NEK10: variants seen among roughly 807,000 people sequenced by gnomAD.
NEK10 encodes the protein serine/threonine-protein kinase Nek10.
NEK10 carries 122 observed loss-of-function variants against 159.8 expected under a neutral mutation model. The observed-to-expected ratio is 0.76, with a 90% CI of 0.66 to 0.89. The LOEUF (loss-of-function observed/expected upper bound fraction) is 0.89. Ranked by LOEUF, NEK10 falls within the 40% of genes least tolerant of loss-of-function variation. NEK10 has a pLI of 0.00. For synonymous variants in NEK10, 466 were observed against 457.1 expected, an observed-to-expected ratio of 1.02 and a Z score of -0.25; for missense variants, 1,342 against 1,323.1, an observed-to-expected ratio of 1.01 and a Z score of -0.22.
At chr3:27,252,150 C>A (rs969921690) in intron 23 of NEK10, 7 of 450,856 alleles carry the variant, frequency 1.6e-5, no homozygotes, top group Non-Finnish European at 2.7e-5. Context: ...AAGTCCTATG[C>A]TTATGGAGCT....
intron 30 of NEK10, among the ~76,000 whole-genome samples, chr3:27,145,153 A>G (rs1944179256): frequency 6.6e-6 from 1 of 151,876 alleles, no homozygotes; most frequent in Admixed American, 6.6e-5. Flanking sequence ...AAAGCAGCAT[A>G]TATTTATATT....
chr3:27,119,849 T>G lies in NEK10; in HGVS notation c.3101A>C (p.Glu1034Ala), dbSNP rs1416207349. 8 of 1,613,722 alleles carry G rather than the reference T, an allele frequency of 5.0e-6. No homozygotes were observed. The highest frequency in any genetic ancestry group is 6.8e-6 in the Non-Finnish European group (8 of 1,179,810). Residue 1034 changes from glutamate (E) to alanine (A), a missense_variant, in exon 33 of 36, where the codon GAA (glutamate) becomes GCA (alanine). Coordinates refer to ENST00000691995, the MANE Select transcript of NEK10 (RefSeq NM_001394966.1). ...TGTGAAAAAGTTGGGCTCAATCGGT[T>G]CTGGAGATCCCTGAGATAACTGAAA... ...EIKKLSQGSP[E>A]PIEPNFFTAD...
intron 23 of NEK10, among the ~76,000 whole-genome samples, chr3:27,244,820 C>T (rs1404959278): frequency 6.6e-6 from 1 of 152,128 alleles, no homozygotes; most frequent in Non-Finnish European, 1.5e-5. Context: ...CCACTATGTG[C>T]CCACACCGCA....
chr3:27,363,137 C>T (rs2048805520), intron 1 of NEK10, among the ~76,000 whole-genome samples: 1 of 152,154 alleles, frequency 6.6e-6, no homozygotes, highest in African/African-American at 2.4e-5. Context: ...TATCCCCAGG[C>T]CTTTACTCCT....
intron 31 of NEK10, among the ~76,000 whole-genome samples, chr3:27,135,114 C>G (rs1407674198): frequency 2.0e-5 from 3 of 152,074 alleles, no homozygotes; most frequent in Non-Finnish European, 4.4e-5. Context: ...TAGGATAGCA[C>G]TTTATAGTTT....
intron 1 of NEK10, among the ~76,000 whole-genome samples, chr3:27,355,947 T>G (rs1257645449): frequency 1.3e-5 from 2 of 152,238 alleles, no homozygotes; most frequent in Non-Finnish European, 2.9e-5. Flanking sequence ...TGAAATTTAA[T>G]TGCCACTAAA....
At chr3:27,213,407 T>C (rs1299396463) in intron 23 of NEK10, among the ~76,000 whole-genome samples, 1 of 152,224 alleles carries the variant, frequency 6.6e-6, no homozygotes, top group Admixed American at 6.5e-5. Flanking sequence ...GGTATTTTGC[T>C]TTGTTGACAT....
At chr3:27,286,545 CTTTTTT>C (rs36101281) in intron 20 of NEK10, among the ~76,000 whole-genome samples, 5 of 65,046 alleles carry the variant, frequency 7.7e-5, no homozygotes, top group South Asian at 5.7e-4. Flanking sequence ...CCACGCCCAG[CTTTTTT>C]TTTTTTTTTT....
chr3:27,305,628 AAAT>A (rs1553627492), intron 11 of NEK10, among the ~76,000 whole-genome samples: 1 of 148,944 alleles, frequency 6.7e-6, no homozygotes, highest in Non-Finnish European at 1.5e-5. Flanking sequence ...AAAAAAAAAA[AAAT>A]AATAATAATA....
chr3:27,141,397 A>G, intron 31 of NEK10, 85 bp downstream of exon 31: 1 of 987,344 alleles, frequency 1.0e-6, no homozygotes, highest in Non-Finnish European at 1.5e-6. Context: ...AATTCAATCT[A>G]AAGTCCTCCA....
In NEK10 at chr3:27,182,095, T is replaced by C. The variant is rs574817533; in HGVS notation, c.2506-7262A>G. ...AATATCAAAAGATACAGAGTTTCGGTGAGATGGGAGGATAAGTTCAAGAGA... is the reference window on the plus strand; with the variant it reads ...AATATCAAAAGATACAGAGTTTCGGCGAGATGGGAGGATAAGTTCAAGAGA... On this transcript the variant is annotated intron_variant, in intron 26 of 35. Transcript: ENST00000691995. Among the ~76,000 whole-genome samples the C allele has an allele frequency of 1.1e-4, 16 of 152,160 alleles. 1 individual carries two copies. The South Asian group carries it at 3.3e-3, about 32-fold the overall frequency.
At chr3:27,323,145 A>G (rs2045767716) in intron 5 of NEK10, among the ~76,000 whole-genome samples, 1 of 152,204 alleles carries the variant, frequency 6.6e-6, no homozygotes, top group Admixed American at 6.5e-5. Context: ...TGGGAGAAAC[A>G]GGAAAGGGAA....
rs1399382675 is a variant in NEK10, at chr3:27,312,075, C to T, written c.568+24G>A. On this transcript the variant is annotated intron_variant, in intron 8 of 35. Transcript: ENST00000691995. Reference sequence around the variant, plus strand: ...TTTTCTAGCAAGTCCACAAAAATGGCTGTGTCCCTGCAATAACACTTACAT... The same window carrying T: ...TTTTCTAGCAAGTCCACAAAAATGGTTGTGTCCCTGCAATAACACTTACAT... 5 of 1,523,030 alleles carry T rather than the reference C, an allele frequency of 3.3e-6. No homozygotes were observed. The South Asian group carries it at 5.7e-5, about 17-fold the overall frequency. The allele number at this position is 1,523,030 out of a possible 1,614,324, so 94.3% of individuals were successfully genotyped here.
intron 32 of NEK10, among the ~76,000 whole-genome samples, chr3:27,129,541 G>A (rs757394107): frequency 1.3e-5 from 2 of 152,082 alleles, no homozygotes; most frequent in Non-Finnish European, 2.9e-5. Context: ...AAAAATGGAG[G>A]TCACAAACTC....
At position 27,262,808 on chromosome 3, in the gene NEK10, G is replaced by A. The variant is rs926992229; in HGVS notation, c.2015-6437C>T. On this transcript the variant is annotated intron_variant, in intron 22 of 35. Coordinates refer to ENST00000691995, the MANE Select transcript of NEK10 (RefSeq NM_001394966.1). Reference sequence around the variant, plus strand: ...TCCTTTAGCTCAGAGTAGTTTGATCGTCTGAAGCCTTCTTCTCTCAACTCG... The same window carrying A: ...TCCTTTAGCTCAGAGTAGTTTGATCATCTGAAGCCTTCTTCTCTCAACTCG... Among the ~76,000 whole-genome samples the A allele has an allele frequency of 5.9e-5, 9 of 151,838 alleles. No homozygotes were observed. In the East Asian group the frequency reaches 7.7e-4, roughly 13 times the overall value.
chr3:27,170,458 A>G (rs1409246476), intron 29 of NEK10, among the ~76,000 whole-genome samples: 1 of 152,192 alleles, frequency 6.6e-6, no homozygotes, highest in African/African-American at 2.4e-5. Context: ...CTGGCTGGGC[A>G]CAGTGGCGAA....
chr3:27,324,231 T>G (rs2045857438), intron 5 of NEK10, among the ~76,000 whole-genome samples: 1 of 152,186 alleles, frequency 6.6e-6, no homozygotes, highest in Non-Finnish European at 1.5e-5. Flanking sequence ...GTCAAAATGT[T>G]AAAGCTTTTC....
At chr3:27,310,807 A>G in intron 9 of NEK10, 142 bp downstream of exon 9, 1 of 517,726 alleles carries the variant, frequency 1.9e-6, no homozygotes, top group Non-Finnish European at 3.4e-6. Context: ...AAAAGGGTTG[A>G]CAAAGATCCA....
intron 31 of NEK10, among the ~76,000 whole-genome samples, chr3:27,140,011 C>T (rs914971788): frequency 6.6e-6 from 1 of 152,198 alleles, no homozygotes; most frequent in Non-Finnish European, 1.5e-5. Context: ...ACTGACAGCA[C>T]TTGACCACTA....
Sources: gnomAD v4.1 joint callset for allele counts (sites outside exome capture counted in the v4.1 genomes callset) on GRCh38, gnomAD v4.1.1 for gene constraint, MANE v1.5 for transcripts, NCBI Gene and HGNC (gene_info 2026-07-23, HGNC 2026-07-21) for gene names.